Variants in AKT3 observed in about 807,000 individuals in gnomAD.
The protein encoded by AKT3 is RAC-gamma serine/threonine-protein kinase.
In AKT3, 15 loss-of-function variants were observed where a neutral mutation model predicts 65.3. The observed-to-expected ratio is 0.23, with a 90% confidence interval of 0.15 to 0.35. The LOEUF (loss-of-function observed/expected upper bound fraction) is 0.35, where lower values mean the gene tolerates loss of function less well. Among genes scored for constraint, AKT3 ranks in the 10% least tolerant of loss-of-function variants. The pLI is 1.00. For missense variants in AKT3, 243 were observed against 576.5 expected (o/e 0.42, Z 5.92); for synonymous variants, 206 against 183.8 (o/e 1.12, Z -0.98).
At chr1:243,613,635 CTACCATGCAAA>C (rs1427421320) in intron 8 of AKT3, 25 bp downstream of exon 8, 1 of 1,449,372 alleles carries the variant, frequency 6.9e-7, no homozygotes, top group Non-Finnish European at 9.4e-7. Context: ...AATGAAAATA[CTACCATGCAAA>C]TACTGGATTT....
At chr1:243,684,157 T>C (rs1245496181) in intron 3 of AKT3, among the ~76,000 whole-genome samples, 1 of 152,120 alleles carries the variant, frequency 6.6e-6, no homozygotes, top group Non-Finnish European at 1.5e-5. Context: ...ATAAATGTTT[T>C]TTACTTTTTT....
chr1:243,611,670 C>T (rs190472532), intron 8 of AKT3, among the ~76,000 whole-genome samples: 6 of 132,424 alleles, frequency 4.5e-5, no homozygotes, highest in African/African-American at 7.4e-5. Context: ...AATGACAGAG[C>T]CAGACCCCAT....
chr1:243,547,749 T>C (rs1008013695), intron 11 of AKT3, among the ~76,000 whole-genome samples: 2 of 152,210 alleles, frequency 1.3e-5, no homozygotes, highest in Non-Finnish European at 2.9e-5. Flanking sequence ...GGGAAGGACC[T>C]AGTATCCTTT....
intron 6 of AKT3, 45 bp downstream of exon 6, chr1:243,637,566 C>T (rs1680068693): frequency 6.5e-7 from 1 of 1,533,450 alleles, no homozygotes; most frequent in Non-Finnish European, 8.8e-7. Context: ...AACACATGCA[C>T]ACTGCAAACA....
intron 8 of AKT3, among the ~76,000 whole-genome samples, chr1:243,591,272 G>T (rs1676207384): frequency 6.6e-6 from 1 of 152,102 alleles, no homozygotes; most frequent in African/African-American, 2.4e-5. Context: ...GTTCTCACAT[G>T]GCAAAATAGA....
Position 243,514,917 on chromosome 1 carries a change from A to G in AKT3, c.1252-2491T>C, listed in dbSNP as rs149565182. Among the ~76,000 whole-genome samples the G allele has an allele frequency of 3.5e-3, 537 of 152,340 alleles. 2 individuals are homozygous for G. The highest frequency in any genetic ancestry group is 0.012 in the African/African-American group (518 of 41,588). ...TCACCAAAATCAAGATGATGAAAAC[A>G]TCTACCACTTCAAATGTCTTCTTGT... On this transcript the variant is annotated intron_variant, in intron 12 of 13. Transcript: ENST00000673466.
chr1:243,712,819 T>G (rs1686245679), intron 2 of AKT3, among the ~76,000 whole-genome samples: 2 of 152,160 alleles, frequency 1.3e-5, no homozygotes, highest in African/African-American at 4.8e-5. Context: ...ATCACAGCAT[T>G]TGAAAACATT....
chr1:243,583,130 A>C (rs1326130089), intron 8 of AKT3, among the ~76,000 whole-genome samples: 13 of 144,646 alleles, frequency 9.0e-5, no homozygotes, highest in African/African-American at 1.3e-4. Flanking sequence ...ATGTATATAT[A>C]TTCCATATAT....
Position 243,839,340 on chromosome 1 carries a change from G to A in AKT3, c.46+3785C>T, listed in dbSNP as rs567273038. ...AACATACCTACAGGCTCGTCTTTGA[G>A]TAAGATCATTTAGTAAGTATTTAAT... On this transcript the variant is annotated intron_variant, in intron 2 of 13. Transcript: ENST00000673466. Among the ~76,000 whole-genome samples the A allele has an allele frequency of 2.0e-5, 3 of 152,264 alleles. No homozygotes were observed. The South Asian group carries it at 6.2e-4, about 32-fold the overall frequency.
At chr1:243,767,351 T>C (rs568681378) in intron 2 of AKT3, among the ~76,000 whole-genome samples, 12 of 152,232 alleles carry the variant, frequency 7.9e-5, no homozygotes, top group Non-Finnish European at 1.2e-4. Context: ...TAAAAGGAGA[T>C]AATCAGTGGC....
At chr1:243,752,149 C>G (rs949433506) in intron 2 of AKT3, among the ~76,000 whole-genome samples, 1 of 152,058 alleles carries the variant, frequency 6.6e-6, no homozygotes, top group Non-Finnish European at 1.5e-5. Context: ...AACCAAAAAT[C>G]ATTAAATGAG....
At chr1:243,545,765 G>T in intron 11 of AKT3, 168 bp from the exon 12 acceptor site, 4 of 571,932 alleles carry the variant, frequency 7.0e-6, no homozygotes, top group Non-Finnish European at 1.2e-5. Flanking sequence ...TTCCTAATAT[G>T]CTTGTAAGAA....
rs367585326 is a variant in AKT3, at chr1:243,645,957, G to T, written c.365C>A (p.Thr122Asn). The change falls in exon 5 of 14, where the codon ACT becomes AAT. Residue 122 changes from threonine to asparagine, a missense_variant. By Grantham distance (65) the Thr-to-Asn change is moderately conservative. Around this residue, in one of 6 missense-constraint regions of AKT3, gnomAD observed 72 missense variants for 86.0 expected, o/e 0.84. Coordinates refer to ENST00000673466, the MANE Select transcript of AKT3 (RefSeq NM_005465.7). ...QEEERMNCSP[T>N]SQIDNIGEEE... ...CTCTCCTATATTATCAATTTGTGAA[G>T]TTGGACTACAATTCATTCTCTCCTC... is the stretch of plus-strand genomic sequence containing the variant. 1.9e-6 allele frequency: 3 copies of T among 1,612,370 alleles called. No individual in the cohort carries two copies. Among genetic ancestry groups the T allele is most frequent in the African/African-American group, 2.7e-5 (2 of 74,868 alleles).
chr1:243,576,910 C>T (rs1488479035), intron 8 of AKT3, among the ~76,000 whole-genome samples: 1 of 152,112 alleles, frequency 6.6e-6, no homozygotes, highest in Non-Finnish European at 1.5e-5. Context: ...AAAGAACCCA[C>T]AGAGCCAAGA....
intron 2 of AKT3, among the ~76,000 whole-genome samples, chr1:243,721,876 A>G (rs1686935781): frequency 6.6e-6 from 1 of 152,282 alleles, no homozygotes; most frequent in South Asian, 2.1e-4. Flanking sequence ...TACCCTACAG[A>G]TAACTTTTTT....
intron 2 of AKT3, among the ~76,000 whole-genome samples, chr1:243,768,432 TG>T (rs1337630562): frequency 6.6e-6 from 1 of 152,202 alleles, no homozygotes; most frequent in Non-Finnish European, 1.5e-5. Context: ...TTCAGGAGTT[TG>T]CTGTCAACTT....
intron 11 of AKT3, 107 bp from the exon 12 acceptor site, chr1:243,545,704 C>T: frequency 2.6e-6 from 2 of 756,260 alleles, no homozygotes; most frequent in Middle Eastern, 2.9e-4. Context: ...ATAAACAGTT[C>T]TTGGGATAAA....
rs188075758 is a variant in AKT3 at position 243,610,495 on chromosome 1, G to C, written c.696+3176C>G. 1.8e-4 allele frequency among the ~76,000 whole-genome samples: 28 copies of C among 152,320 alleles called. No homozygotes were observed. In the East Asian group the frequency reaches 5.4e-3, roughly 29 times the overall value. On this transcript the variant is annotated intron_variant, in intron 8 of 13. Coordinates refer to ENST00000673466, the MANE Select transcript of AKT3 (RefSeq NM_005465.7). The stretch of plus-strand genomic sequence containing the variant: ...CACACAATACCGTTTAAAAAAGAGA[G>C]ACATTTAATAGTGTTTTTCCAAGTT...
chr1:243,748,716 T>A (rs1487675543), intron 2 of AKT3, among the ~76,000 whole-genome samples: 2 of 152,202 alleles, frequency 1.3e-5, no homozygotes, highest in African/African-American at 4.8e-5. Context: ...GGTTTTGTTC[T>A]CATGAGAATA....
Sources: allele counts gnomAD v4.1 joint callset (sites outside exome capture counted in the v4.1 genomes callset), GRCh38; gene constraint gnomAD v4.1.1; regional missense constraint gnomAD v4.1.1; transcripts MANE v1.5; gene names NCBI Gene and HGNC (gene_info 2026-07-23, HGNC 2026-07-21).